SLC38A11: variants seen among roughly 807,000 people sequenced by gnomAD.
SLC38A11 encodes the protein putative sodium-coupled neutral amino acid transporter 11.
In SLC38A11, 51 loss-of-function variants were observed where a neutral mutation model predicts 49.4. That is an observed-to-expected ratio of 1.03 (90% CI 0.83 to 1.30). The LOEUF (loss-of-function observed/expected upper bound fraction) is 1.30. Ranked by LOEUF, SLC38A11 falls within the 50% of genes most tolerant of loss-of-function variation. SLC38A11 has a pLI of 0.00. For synonymous variants in SLC38A11, 203 were observed against 192.9 expected, an observed-to-expected ratio of 1.05 and a Z score of -0.43; for missense variants, 574 against 556.2, an observed-to-expected ratio of 1.03 and a Z score of -0.32.
intron 7 of SLC38A11, among the ~76,000 whole-genome samples, chr2:164,926,718 A>G (rs1176507747): frequency 1.3e-5 from 2 of 152,024 alleles, no homozygotes; most frequent in Non-Finnish European, 2.9e-5. Flanking sequence ...TTGTAGGGAC[A>G]TGGATGAAGC....
chr2:164,947,070 G>C (rs530166677), intron 3 of SLC38A11, among the ~76,000 whole-genome samples: 102 of 126,884 alleles, frequency 8.0e-4, no homozygotes, highest in African/African-American at 3.1e-3. Context: ...TTTTTCACCA[G>C]TTTCTTTTAC....
At chr2:164,946,680 T>C (rs545300349) in intron 3 of SLC38A11, among the ~76,000 whole-genome samples, 1 of 152,264 alleles carries the variant, frequency 6.6e-6, no homozygotes, top group African/African-American at 2.4e-5. Context: ...TTCATTTAAC[T>C]CAATGGTTTT....
intron 7 of SLC38A11, among the ~76,000 whole-genome samples, chr2:164,916,587 A>C (rs1178108997): frequency 6.6e-6 from 1 of 152,150 alleles, no homozygotes; most frequent in East Asian, 1.9e-4. Flanking sequence ...AGCTTCCACA[A>C]ATAATTAGTG....
At chr2:164,935,432 G>T (rs1203902955) in intron 7 of SLC38A11, among the ~76,000 whole-genome samples, 1 of 150,476 alleles carries the variant, frequency 6.6e-6, no homozygotes, top group African/African-American at 2.4e-5. Context: ...GCACTTTGGG[G>T]TCTGAGGCAG....
At chr2:164,917,142 G>T (rs550355643) in intron 7 of SLC38A11, among the ~76,000 whole-genome samples, 89 of 152,226 alleles carry the variant, frequency 5.8e-4, no homozygotes, top group African/African-American at 1.9e-3. Flanking sequence ...GGAAGGGAAG[G>T]CTTGAGTAAG....
intron 3 of SLC38A11, among the ~76,000 whole-genome samples, chr2:164,951,768 G>T (rs1688538374): frequency 6.6e-6 from 1 of 152,096 alleles, no homozygotes; most frequent in African/African-American, 2.4e-5. Context: ...GAGAGGACAG[G>T]GCAGGGGAAA....
rs546924392 is a variant in SLC38A11 at position 164,941,593 on chromosome 2, AC to A, written c.431-2038del. 3.3e-5 allele frequency among the ~76,000 whole-genome samples: 5 copies of A among 152,282 alleles called. No homozygotes were observed. The South Asian group carries it at 1.0e-3, about 32-fold the overall frequency. On this transcript the variant is annotated intron_variant, in intron 5 of 11. Transcript: ENST00000685975. ...ATTTTTGATTATTACAAAATTGATA[AC>A]CAGGAAGAGGGCTTCAAAGGACCAT...
chr2:164,949,070 C>T (rs1360043623), intron 3 of SLC38A11, among the ~76,000 whole-genome samples: 1 of 151,078 alleles, frequency 6.6e-6, no homozygotes, highest in African/African-American at 2.4e-5. Flanking sequence ...ATATTGTGAC[C>T]TTCAAAAAGG....
At chr2:164,915,778 ATGC>A (rs908159044) in intron 8 of SLC38A11, 122 bp downstream of exon 8, 103 of 663,368 alleles carry the variant, frequency 1.6e-4, no homozygotes, top group Non-Finnish European at 2.5e-4. Context: ...ACTAGATCAT[ATGC>A]TGCTAATAGG....
chr2:164,939,283 C>T (rs555949709), intron 6 of SLC38A11, among the ~76,000 whole-genome samples, 167 bp downstream of exon 6: 9 of 152,098 alleles, frequency 5.9e-5, no homozygotes, highest in Admixed American at 2.6e-4. Flanking sequence ...ATTTAATCAT[C>T]GGTTCTCACA....
Position 164,913,091 on chromosome 2 carries a change from C to T in SLC38A11, c.851-1343G>A, listed in dbSNP as rs143816767. Among the ~76,000 whole-genome samples the T allele has an allele frequency of 6.6e-5, 10 of 152,020 alleles. No homozygotes were observed. The East Asian group carries it at 1.9e-3, about 29-fold the overall frequency. ...GAAGAAAAGCTATAATACCTCTGTA[C>T]TGTTTTTTTCATTACAAAGCTGAAT... On this transcript the variant is annotated intron_variant, in intron 9 of 11. Coordinates refer to ENST00000685975, the MANE Select transcript of SLC38A11 (RefSeq NM_001351537.2).
At chr2:164,928,679 G>A (rs779640513) in intron 7 of SLC38A11, among the ~76,000 whole-genome samples, 1 of 96,782 alleles carries the variant, frequency 1.0e-5, no homozygotes, top group Non-Finnish European at 2.3e-5. Context: ...CACTTCCTAT[G>A]GTGAGACCAA....
intron 7 of SLC38A11, among the ~76,000 whole-genome samples, chr2:164,924,247 AT>A (rs1171781312): frequency 1.3e-5 from 2 of 152,212 alleles, no homozygotes; most frequent in African/African-American, 4.8e-5. Flanking sequence ...GTTCTCACAT[AT>A]AAGTAGGAGC....
chr2:164,938,791 T>C (rs971801036), intron 6 of SLC38A11, among the ~76,000 whole-genome samples: 7 of 152,186 alleles, frequency 4.6e-5, no homozygotes, highest in Admixed American at 2.6e-4. Flanking sequence ...TTTAAAAATA[T>C]CTTATCAGAA....
intron 11 of SLC38A11, among the ~76,000 whole-genome samples, chr2:164,900,011 C>T (rs1684554918): frequency 2.6e-5 from 4 of 152,016 alleles, no homozygotes; most frequent in Admixed American, 2.0e-4. Flanking sequence ...ATATATTAGG[C>T]ATTTAAAAAA....
At chr2:164,908,873 C>G in intron 10 of SLC38A11, 102 bp from the exon 11 acceptor site, 1 of 1,262,296 alleles carries the variant, frequency 7.9e-7, no homozygotes, top group Non-Finnish European at 1.1e-6. Context: ...AAAATACTAC[C>G]AACAAGGCTA....
intron 11 of SLC38A11, among the ~76,000 whole-genome samples, chr2:164,899,672 A>G (rs181299249): frequency 6.6e-6 from 1 of 152,270 alleles, no homozygotes; most frequent in Admixed American, 6.5e-5. Context: ...TTTTTAAAAA[A>G]TAAATTTTAT....
chr2:164,908,736 T>G lies in SLC38A11; in HGVS notation c.999A>C (p.Ser333=). 1 of 1,611,092 alleles carries G rather than the reference T, an allele frequency of 6.2e-7. No individual in the cohort carries two copies. The highest frequency in any genetic ancestry group is 8.5e-7 in the Non-Finnish European group (1 of 1,178,394). The change falls in exon 11 of 12, where the codon TCA becomes TCC. Residue 333 remains serine, a synonymous_variant. Coordinates refer to ENST00000685975, the MANE Select transcript of SLC38A11 (RefSeq NM_001351537.2). ...IANVFFGGNL[S]SVFHIVVTVM... ...CTGTTACAACAATGTGGAAAACCGATGAAAGATTCCCACCAAAAAACACAT... is the reference window on the plus strand; with the variant it reads ...CTGTTACAACAATGTGGAAAACCGAGGAAAGATTCCCACCAAAAAACACAT...
intron 7 of SLC38A11, among the ~76,000 whole-genome samples, chr2:164,932,449 A>C (rs1450017988): frequency 2.0e-5 from 3 of 151,776 alleles, no homozygotes; most frequent in Non-Finnish European, 4.4e-5. Flanking sequence ...TATCATAAAA[A>C]CATGTAAATG....
Sources: allele counts gnomAD v4.1 joint callset (sites outside exome capture counted in the v4.1 genomes callset), GRCh38; gene constraint gnomAD v4.1.1; transcripts MANE v1.5; gene names NCBI Gene and HGNC (gene_info 2026-07-23, HGNC 2026-07-21).